The following GMPR2 variants were observed in gnomAD, a reference collection of about 807,000 sequenced individuals.
The protein encoded by GMPR2 is GMP reductase 2.
GMPR2 carries 32 observed loss-of-function variants against 38.5 expected under a neutral mutation model. The ratio of observed to expected loss-of-function variants is 0.83; its 90% CI spans 0.63 to 1.12. GMPR2 has a LOEUF of 1.12. Ranked by LOEUF, GMPR2 falls within the 50% of genes most tolerant of loss-of-function variation. GMPR2 has a pLI of 0.00. For synonymous variants in GMPR2, 154 were observed against 151.0 expected, an observed-to-expected ratio of 1.02 and a Z score of -0.15; for missense variants, 396 against 432.1, an observed-to-expected ratio of 0.92 and a Z score of 0.74.
At chr14:24,238,005 A>G (rs1222447606) in intron 8 of GMPR2, 1 of 495,982 alleles carries the variant, frequency 2.0e-6, no homozygotes, top group African/African-American at 1.9e-5. Context: ...AGGAGAAAGC[A>G]AAAGCCAGGC....
At position 24,235,740 on chromosome 14, in the gene GMPR2, T is replaced by C; in HGVS notation, c.211T>C (p.Ser71Pro). 1.2e-6 allele frequency: 2 copies of C among 1,608,966 alleles called. No homozygotes were observed. The highest frequency in any genetic ancestry group is 2.2e-5 in the East Asian group (1 of 44,878). ...TGCTTCTTTGTCTTCTCCCCAGTTC[T>C]CTCTCTTCACTGCTGTCCATAAGCA... ...FEMAKVLCKF[S>P]LFTAVHKHYS... Residue 71 changes from serine to proline, a missense_variant, in exon 4 of 10, where the codon TCT becomes CCT. By Grantham distance (74) the Ser-to-Pro change is moderately conservative. Coordinates refer to ENST00000399440, the MANE Select transcript of GMPR2 (RefSeq NM_001002002.3).
chr14:24,238,011 C>A, intron 8 of GMPR2: 1 of 496,762 alleles, frequency 2.0e-6, no homozygotes, highest in Non-Finnish European at 3.5e-6. Context: ...AAGCAAAAGC[C>A]AGGCAGGGAC....
In GMPR2 at chr14:24,238,688, G is replaced by A. The variant is rs768475204; in HGVS notation, c.957G>A (p.Val319=). The A allele has an allele frequency of 8.7e-6, 14 of 1,613,840 alleles. No homozygotes were observed. The Admixed American group carries it at 2.3e-4, about 27-fold the overall frequency. ...GGATCCGCTCTACGTGTACCTATGT[G>A]GGAGCAGCTAAGCTCAAAGAGTTGA... The part of the protein sequence containing the change: ...LGGIRSTCTY[V]GAAKLKELSR... The change falls in exon 10 of 10, where the codon GTG becomes GTA. Residue 319 remains valine (V), a synonymous_variant. Coordinates refer to ENST00000399440, the MANE Select transcript of GMPR2 (RefSeq NM_001002002.3).
chr14:24,233,550 C>T lies in GMPR2; in HGVS notation c.159C>T (p.Ala53=). 6.2e-7 allele frequency: 1 copy of T among 1,613,954 alleles called. No homozygotes were observed. Among genetic ancestry groups the T allele is most frequent in the Non-Finnish European group, 8.5e-7 (1 of 1,179,840 alleles). Residue 53 remains alanine (A), a synonymous_variant, in exon 3 of 10, where the codon GCC becomes GCT. Coordinates refer to ENST00000399440, the MANE Select transcript of GMPR2 (RefSeq NM_001002002.3). ...ACTCTGGGGTTCCCATCATTGCTGCCAATATGGATACTGTGGGCACCTTTG... is the reference window on the plus strand; with the variant it reads ...ACTCTGGGGTTCCCATCATTGCTGCTAATATGGATACTGTGGGCACCTTTG... ...QTYSGVPIIA[A]NMDTVGTFEM... is the part of the protein sequence containing the mutation.
chr14:24,237,637 T>C (rs1415710018), intron 8 of GMPR2, 75 bp downstream of exon 8: 2 of 1,273,636 alleles, frequency 1.6e-6, no homozygotes, highest in East Asian at 4.6e-5. Context: ...AGGGTCAGGC[T>C]AAGAGAGGCT....
In GMPR2 at chr14:24,237,059, GCT is replaced by G. The variant is rs2040377402; in HGVS notation, c.466-9_466-8del. On this transcript the variant is annotated splice_polypyrimidine_tract_variant and intron_variant, in intron 5 of 9. Coordinates refer to ENST00000399440, the MANE Select transcript of GMPR2 (RefSeq NM_001002002.3). Reference sequence around the variant, plus strand: ...GCCCTAAGGATGCTGTATTTCAATTGCTCTGTCTCAGGCAGGGAATGTGGTAA... The same window carrying G: ...GCCCTAAGGATGCTGTATTTCAATTGCTGTCTCAGGCAGGGAATGTGGTAA... The G allele has an allele frequency of 3.1e-6, 5 of 1,602,966 alleles. No homozygotes were observed. The highest frequency in any genetic ancestry group is 2.7e-5 in the African/African-American group (2 of 74,848).
At chr14:24,235,424 G>C (rs1357940101) in intron 3 of GMPR2, 3 of 389,726 alleles carry the variant, frequency 7.7e-6, no homozygotes, top group South Asian at 3.5e-5. Context: ...CATGTCTGCT[G>C]CCTGTCCCAC....
In GMPR2 at chr14:24,233,583, C is replaced by T. The variant is rs2295316; in HGVS notation, c.192C>T (p.Ala64=). Residue 64 remains alanine (A), a synonymous_variant, in exon 3 of 10, where the codon GCC becomes GCT. Transcript: ENST00000399440. ...ATACTGTGGGCACCTTTGAGATGGC[C>T]AAGGTTCTCTGTAAGGTAGGGCTTT... The part of the protein sequence containing the change: ...NMDTVGTFEM[A]KVLCKFSLFT... 57,947 of 1,613,936 alleles carry T rather than the reference C, an allele frequency of 0.036. 4,837 individuals carry two copies. Among genetic ancestry groups the T allele is most frequent in the East Asian group, 0.34 (15,433 of 44,854 alleles).
chr14:24,235,358 G>C, intron 3 of GMPR2: 1 of 237,316 alleles, frequency 4.2e-6, no homozygotes, highest in South Asian at 7.6e-5. Flanking sequence ...CTTAGGAGGA[G>C]GGGCTGAGTC....
intron 3 of GMPR2, among the ~76,000 whole-genome samples, chr14:24,235,003 C>T (rs1333195564): frequency 6.6e-6 from 1 of 152,212 alleles, no homozygotes; most frequent in African/African-American, 2.4e-5. Flanking sequence ...TGCATGTAGA[C>T]ATGTAAGGCA....
rs1455398135 is a variant in GMPR2, at chr14:24,233,488, A to G, written c.97A>G (p.Thr33Ala). 1.9e-6 allele frequency: 3 copies of G among 1,611,184 alleles called. No individual in the cohort carries two copies. The highest frequency in any genetic ancestry group is 2.5e-6 in the Non-Finnish European group (3 of 1,177,484). Reference sequence around the variant, plus strand: ...CTGTTCATATCTGCAGGTGGATCTCACAAGATCCTTTTCATTTCGGAACTC... The same window carrying G: ...CTGTTCATATCTGCAGGTGGATCTCGCAAGATCCTTTTCATTTCGGAACTC... ...TLKSRSEVDLTRSFSFRNSKQ... is the reference protein window; with the variant it reads ...TLKSRSEVDLARSFSFRNSKQ... The change falls in exon 3 of 10, where the codon ACA (threonine) becomes GCA (alanine). Residue 33 changes from threonine (T) to alanine (A), a missense_variant. Physicochemically the swap from Thr to Ala is moderately conservative, Grantham distance 58. Coordinates refer to ENST00000399440, the MANE Select transcript of GMPR2 (RefSeq NM_001002002.3).
Position 24,238,273 on chromosome 14 carries a change from G to T in GMPR2, c.725G>T (p.Gly242Val), listed in dbSNP as rs34354104. Residue 242 changes from glycine to valine, a missense_variant, in exon 9 of 10, where the codon GGT becomes GTT. Gly to Val is a moderately radical substitution (Grantham distance 109). Coordinates refer to ENST00000399440, the MANE Select transcript of GMPR2 (RefSeq NM_001002002.3). ...GCAGGAGCTGACTTCGTGATGCTGG[G>T]TGGCATGCTGGCTGGGCACAGTGAG... Reference protein sequence around the residue: ...FGAGADFVMLGGMLAGHSESG... With the variant: ...FGAGADFVMLVGMLAGHSESG... 5 of 1,613,368 alleles carry T rather than the reference G, an allele frequency of 3.1e-6. No homozygotes were observed. The highest frequency in any genetic ancestry group is 1.1e-5 in the South Asian group (1 of 91,000).
intron 3 of GMPR2, 94 bp downstream of exon 3, chr14:24,233,692 T>C (rs577284527): frequency 7.3e-7 from 1 of 1,361,742 alleles, no homozygotes; most frequent in Non-Finnish European, 1.1e-6. Flanking sequence ...CCCAGTCAGT[T>C]CTCTGGCAGT....
At position 24,233,087 on chromosome 14, in the gene GMPR2, G is replaced by C; in HGVS notation, c.-36+110G>C. Reference sequence around the variant, plus strand: ...TAATCGCAGCCACGGGATGGGTCGAGGTGACAGGCTTCAGGGACCACACTT... The same window carrying C: ...TAATCGCAGCCACGGGATGGGTCGACGTGACAGGCTTCAGGGACCACACTT... On this transcript the variant is annotated intron_variant, in intron 1 of 9. Coordinates refer to ENST00000399440, the MANE Select transcript of GMPR2 (RefSeq NM_001002002.3). The C allele has an allele frequency of 2.6e-6, 3 of 1,134,808 alleles. No homozygotes were observed. The South Asian group carries it at 4.0e-5, about 15-fold the overall frequency. The allele number at this position is 1,134,808 out of a possible 1,614,324, so 70.3% of individuals were successfully genotyped here.
chr14:24,238,572 G>A lies in GMPR2; in HGVS notation c.858-17G>A. The A allele has an allele frequency of 6.2e-7, 1 of 1,613,988 alleles. No individual in the cohort carries two copies. The highest frequency in any genetic ancestry group is 8.5e-7 in the Non-Finnish European group (1 of 1,179,918). On this transcript the variant is annotated splice_polypyrimidine_tract_variant and intron_variant, in intron 9 of 9. Transcript: ENST00000399440. ...GAATCCAGAAGGAGAAGATAATAAA[G>A]TTTTTCCTACTTTAAGAGCCTCAGA...
chr14:24,235,865 A>G (rs1225025579), intron 4 of GMPR2, 45 bp downstream of exon 4: 1 of 1,591,956 alleles, frequency 6.3e-7, no homozygotes, highest in African/African-American at 1.3e-5. Context: ...CCAGTTTTCC[A>G]GCAATTATAT....
chr14:24,234,389 T>C (rs1950496), intron 3 of GMPR2: 5,168 of 378,590 alleles, frequency 0.014, 62 homozygotes, highest in Admixed American at 0.033. Context: ...TGTGTCTTTG[T>C]GGAATGTCTT....
chr14:24,232,884 TCCCCGCC>T (rs1284490775), upstream of GMPR2: 4 of 379,094 alleles, frequency 1.1e-5, no homozygotes, highest in African/African-American at 8.2e-5. Flanking sequence ...TTATGAACCC[TCCCCGCC>T]CCCCGTCGCC....
intron 6 of GMPR2, 37 bp from the exon 7 acceptor site, chr14:24,237,208 G>A (rs772342274): frequency 1.9e-6 from 3 of 1,550,592 alleles, no homozygotes; most frequent in South Asian, 1.1e-5. Flanking sequence ...AACACCTGTG[G>A]AGCACGTCAT....
Sources: allele counts gnomAD v4.1 joint callset (sites outside exome capture counted in the v4.1 genomes callset), GRCh38; gene constraint gnomAD v4.1.1; transcripts MANE v1.5; gene names NCBI Gene and HGNC (gene_info 2026-07-23, HGNC 2026-07-21).